SIDT2: variants seen among roughly 807,000 people sequenced by gnomAD.
The protein encoded by SIDT2 is SID1 transmembrane family, member 2.
A neutral mutation model predicts 114.4 loss-of-function variants in SIDT2; 68 were observed. That is an observed-to-expected ratio of 0.59 (90% CI 0.49 to 0.73). SIDT2 has a LOEUF of 0.73. Among genes scored for constraint, SIDT2 ranks in the 30% least tolerant of loss-of-function variants. SIDT2 has a pLI of 0.00. For synonymous variants in SIDT2, 470 were observed against 438.4 expected, an observed-to-expected ratio of 1.07 and a Z score of -0.90; for missense variants, 918 against 1,097.1, an observed-to-expected ratio of 0.84 and a Z score of 2.31.
rs1315938411 is a variant in SIDT2 at position 117,178,970 on chromosome 11, G to A, written c.-294G>A. 2.3e-5 allele frequency: 8 copies of A among 353,542 alleles called. No individual in the cohort carries two copies. The highest frequency in any genetic ancestry group is 4.1e-5 in the Non-Finnish European group (8 of 193,424). The allele number at this position is 353,542 out of a possible 1,614,324, so 21.9% of individuals were successfully genotyped here. A position where few individuals can be genotyped will look rare whatever the true frequency, so the allele number is the denominator to read the frequency against. On this transcript the variant is annotated 5_prime_UTR_variant, in exon 1 of 26. Coordinates refer to ENST00000324225, the MANE Select transcript of SIDT2 (RefSeq NM_001040455.2). ...CCCTCCTTCTCACGGCCCTGGCCCG[G>A]GGCTCCAGGGTCTCAGGTCGTACTC...
chr11:117,179,540 G>A (rs1355167885), intron 1 of SIDT2, 94 bp downstream of exon 1: 1 of 1,354,822 alleles, frequency 7.4e-7, no homozygotes, highest in Non-Finnish European at 1.0e-6. Flanking sequence ...GGAGGCCCCA[G>A]GAACGAGCTG....
intron 3 of SIDT2, 22 bp from the exon 4 acceptor site, chr11:117,182,038 G>C (rs2030308789): frequency 6.2e-7 from 1 of 1,612,048 alleles, no homozygotes; most frequent in Admixed American, 1.7e-5. Context: ...GTGACTGGTG[G>C]GGGCTCTTCT....
chr11:117,191,924 C>G lies in SIDT2; in HGVS notation c.1782C>G (p.Leu594=), dbSNP rs777451967. ...TCGCCGGACTCTGCATGCTGAAGCTCTACCAGAAGCGGCACCCGGACATCA... is the reference window on the plus strand; with the variant it reads ...TCGCCGGACTCTGCATGCTGAAGCTGTACCAGAAGCGGCACCCGGACATCA... ...YMIAGLCMLK[L]YQKRHPDINA... is the part of the protein sequence containing the mutation. Residue 594 remains leucine, a synonymous_variant, in exon 19 of 26, where the codon CTC becomes CTG. Coordinates refer to ENST00000324225, the MANE Select transcript of SIDT2 (RefSeq NM_001040455.2). The G allele has an allele frequency of 6.2e-7, 1 of 1,614,186 alleles. No homozygotes were observed.
chr11:117,190,411 C>G lies in SIDT2; in HGVS notation c.1617+122C>G, dbSNP rs2030655654. On this transcript the variant is annotated intron_variant, in intron 17 of 25. Transcript: ENST00000324225. The surrounding 1 kb of genome is among the most constrained non-coding windows in gnomAD (Gnocchi z 4.1). ...TTCCCCAGCTCTCCCCTCCCCAGTT[C>G]TGTCTGGCCCACCCTATCCAGCCCA... The G allele has an allele frequency of 2.8e-6, 4 of 1,446,374 alleles. No individual in the cohort carries two copies. The highest frequency in any genetic ancestry group is 3.7e-6 in the Non-Finnish European group (4 of 1,091,250). 89.6% of individuals were successfully genotyped at this position (1,446,374 alleles called of 1,614,324 possible).
intron 24 of SIDT2, among the ~76,000 whole-genome samples, chr11:117,195,135 GC>G (rs2030853405): frequency 7.2e-6 from 1 of 138,648 alleles, no homozygotes; most frequent in Admixed American, 7.8e-5. Context: ...ATGGAGAAGA[GC>G]CCCATGGCCC....
In SIDT2 at chr11:117,181,925, A is replaced by T. The variant is rs369119527; in HGVS notation, c.424A>T (p.Thr142Ser). The part of the protein sequence containing the change: ...VDVSTLSPVN[T>S]TYQLRVSRMD... Reference sequence around the variant, plus strand: ...TGTGTCCACCCTGTCACCAGTCAACACCACATACCAGCTCCGGGTCAGCCG... The same window carrying T: ...TGTGTCCACCCTGTCACCAGTCAACTCCACATACCAGCTCCGGGTCAGCCG... The change falls in exon 3 of 26, where the codon ACC becomes TCC. Residue 142 changes from threonine to serine, a missense_variant. Around this residue, in one of 4 missense-constraint regions of SIDT2, gnomAD observed 553 missense variants for 600.1 expected, o/e 0.92. Transcript: ENST00000324225. The T allele has an allele frequency of 4.8e-5, 78 of 1,614,004 alleles. No individual in the cohort carries two copies. The highest frequency in any genetic ancestry group is 1.1e-5 in the Non-Finnish European group (13 of 1,180,042).
rs1202612710 is a variant in SIDT2 at position 117,190,027 on chromosome 11, T to TG, written c.1493+7dup. On this transcript the variant is annotated splice_region_variant and intron_variant, in intron 16 of 25. Transcript: ENST00000324225. The surrounding 1 kb of genome is among the most constrained non-coding windows in gnomAD (Gnocchi z 4.1). ...CGCCCACCCACTGGGCAATCTCAGGTGGGGGTCATGCTGGGAGGCCCCTTG... is the reference window on the plus strand; with the variant it reads ...CGCCCACCCACTGGGCAATCTCAGGTGGGGGGTCATGCTGGGAGGCCCCTTG... 2.5e-6 allele frequency: 4 copies of TG among 1,613,998 alleles called. No homozygotes were observed. The highest frequency in any genetic ancestry group is 3.4e-6 in the Non-Finnish European group (4 of 1,179,972).
chr11:117,195,738 A>G (rs1405526003), intron 24 of SIDT2, 64 bp from the exon 25 acceptor site: 2 of 1,558,400 alleles, frequency 1.3e-6, no homozygotes, highest in East Asian at 2.2e-5. Flanking sequence ...AAGATGGCAG[A>G]TGGGTCTGGC....
In SIDT2 at chr11:117,192,242, GC is replaced by G; in HGVS notation, c.1873-10del. ...TCCACCCTCACCGCTGCCCTTGGTG[GC>G]CTCCCGACAGGTCTTTGGCAAAGGG... On this transcript the variant is annotated splice_polypyrimidine_tract_variant and intron_variant, in intron 19 of 25. Coordinates refer to ENST00000324225, the MANE Select transcript of SIDT2 (RefSeq NM_001040455.2). The surrounding 1 kb of genome is among the most constrained non-coding windows in gnomAD (Gnocchi z 5.9). 4.5e-6 allele frequency: 7 copies of G among 1,568,834 alleles called. No homozygotes were observed. Among genetic ancestry groups the G allele is most frequent in the Middle Eastern group, 1.7e-4 (1 of 5,978 alleles).
rs768410126 is a variant in SIDT2, at chr11:117,181,802, C to T, written c.306-5C>T. 1 of 1,614,030 alleles carries T rather than the reference C, an allele frequency of 6.2e-7. No individual in the cohort carries two copies. The highest frequency in any genetic ancestry group is 8.5e-7 in the Non-Finnish European group (1 of 1,180,028). On this transcript the variant is annotated splice_region_variant and splice_polypyrimidine_tract_variant and intron_variant, in intron 2 of 25. Transcript: ENST00000324225. ...CACATCCTATCTCCCTGCTTCGGGC[C>T]ATAGGTTTCAGCGCAAGTACCTCTA...
rs373778267 is a variant in SIDT2, at chr11:117,190,315, G to T, written c.1617+26G>T. The T allele has an allele frequency of 1.0e-3, 1,562 of 1,524,984 alleles. 1 individual carries two copies. Among genetic ancestry groups the T allele is most frequent in the Non-Finnish European group, 1.3e-3 (1,451 of 1,137,932 alleles). 94.5% of individuals were successfully genotyped at this position (1,524,984 alleles called of 1,614,324 possible). On this transcript the variant is annotated intron_variant, in intron 17 of 25. Transcript: ENST00000324225. This position sits in a 1 kb window ranked among gnomAD's most constrained non-coding sequence, Gnocchi z 4.1. ...GTAAGGGAGCACCTGCCTGCCTGCCGCAGCCTCAGCTCCAGCACAGACCTC... is the reference window on the plus strand; with the variant it reads ...GTAAGGGAGCACCTGCCTGCCTGCCTCAGCCTCAGCTCCAGCACAGACCTC...
At chr11:117,194,674 C>T (rs1308483465) in intron 24 of SIDT2, among the ~76,000 whole-genome samples, 5 of 152,176 alleles carry the variant, frequency 3.3e-5, no homozygotes, top group Admixed American at 2.6e-4. Context: ...CGATGTGATA[C>T]ATGAAATGAA....
In SIDT2 at chr11:117,192,991, ATC is replaced by A; in HGVS notation, c.2105+127_2105+128del. ...GCATAAGACATGGGGGCTAAGAGAGATCTTGGCCTCTCTTCTCTCTCTTGGCA... is the reference window on the plus strand; with the variant it reads ...GCATAAGACATGGGGGCTAAGAGAGATTGGCCTCTCTTCTCTCTCTTGGCA... On this transcript the variant is annotated intron_variant, in intron 22 of 25. Coordinates refer to ENST00000324225, the MANE Select transcript of SIDT2 (RefSeq NM_001040455.2). The surrounding 1 kb of genome is among the most constrained non-coding windows in gnomAD (Gnocchi z 5.9). 3 of 1,377,710 alleles carry A rather than the reference ATC, an allele frequency of 2.2e-6. No homozygotes were observed. Among genetic ancestry groups the A allele is most frequent in the Non-Finnish European group, 3.1e-6 (3 of 965,524 alleles). The allele number at this position is 1,377,710 out of a possible 1,614,324, so 85.3% of individuals were successfully genotyped here.
At chr11:117,186,523 C>T (rs896625762) in intron 9 of SIDT2, 61 bp from the exon 10 acceptor site, 2 of 1,457,338 alleles carry the variant, frequency 1.4e-6, no homozygotes, top group African/African-American at 1.4e-5. Context: ...GAAAGTCAGC[C>T]CCATACAGAG....
intron 9 of SIDT2, 33 bp from the exon 10 acceptor site, chr11:117,186,551 C>G: frequency 6.5e-7 from 1 of 1,537,202 alleles, no homozygotes; most frequent in Non-Finnish European, 8.7e-7. Flanking sequence ...TGTCCTGTCC[C>G]ATCTGGGTGG....
chr11:117,188,833 C>G lies in SIDT2; in HGVS notation c.1278+7C>G. On this transcript the variant is annotated splice_region_variant and intron_variant, in intron 13 of 25. Coordinates refer to ENST00000324225, the MANE Select transcript of SIDT2 (RefSeq NM_001040455.2). The surrounding 1 kb of genome is among the most constrained non-coding windows in gnomAD (Gnocchi z 4.0). ...GAATGTCATTCGCACCAAGGTCTGA[C>G]CCGTGGGCCTGGCCTGGTCAGGCGT... The G allele has an allele frequency of 6.2e-7, 1 of 1,612,582 alleles. No individual in the cohort carries two copies. Among genetic ancestry groups the G allele is most frequent in the Non-Finnish European group, 8.5e-7 (1 of 1,178,524 alleles).
chr11:117,186,337 A>G (rs2030495453), intron 9 of SIDT2, 114 bp downstream of exon 9: 2 of 954,252 alleles, frequency 2.1e-6, no homozygotes, highest in South Asian at 2.8e-5. Context: ...TCCATAGCAG[A>G]TGATGGTGGG....
chr11:117,179,517 C>T (rs1304912885), intron 1 of SIDT2, 71 bp downstream of exon 1: 2 of 1,516,866 alleles, frequency 1.3e-6, no homozygotes, highest in African/African-American at 1.4e-5. Flanking sequence ...TCTGCCGCCC[C>T]GCTACCCTTT....
chr11:117,194,390 GC>G (rs2030816078), intron 24 of SIDT2, among the ~76,000 whole-genome samples: 1 of 152,166 alleles, frequency 6.6e-6, no homozygotes, highest in Non-Finnish European at 1.5e-5. Flanking sequence ...AATCCTCCTA[GC>G]ATTCCAGCCT....
Sources: gnomAD v4.1 joint callset for allele counts (sites outside exome capture counted in the v4.1 genomes callset) on GRCh38, gnomAD v4.1.1 for gene constraint, gnomAD v4.1.1 regional missense constraint, Gnocchi (gnomAD v3.1) non-coding constraint, MANE v1.5 for transcripts, NCBI Gene and HGNC (gene_info 2026-07-23, HGNC 2026-07-21) for gene names.